DNAH14: variants seen among roughly 807,000 people sequenced by gnomAD.
DNAH14 encodes dynein axonemal heavy chain 14.
A neutral mutation model predicts 520.9 loss-of-function variants in DNAH14; 478 were observed. The observed-to-expected ratio is 0.92, with a 90% confidence interval of 0.85 to 0.99. The LOEUF (loss-of-function observed/expected upper bound fraction) is 0.99. DNAH14 is among the 50% of genes least tolerant of loss of function. DNAH14 has a pLI of 0.00. For missense variants in DNAH14, 4,831 were observed against 5,234.5 expected, an observed-to-expected ratio of 0.92 and a Z score of 2.38; for synonymous variants, 1,581 against 1,757.2, an observed-to-expected ratio of 0.90 and a Z score of 2.51.
intron 23 of DNAH14, among the ~76,000 whole-genome samples, chr1:225,104,823 T>C (rs977015908): frequency 5.9e-5 from 9 of 152,164 alleles, no homozygotes; most frequent in Non-Finnish European, 8.8e-5. Flanking sequence ...TTGTTGATCT[T>C]TTCAAAAAAC....
intron 77 of DNAH14, 40 bp downstream of exon 77, chr1:225,368,072 A>G: frequency 6.8e-7 from 1 of 1,465,256 alleles, no homozygotes; most frequent in Non-Finnish European, 9.2e-7. Context: ...AATAAGTAAC[A>G]ATAAGATACA....
chr1:225,182,346 A>G (rs1005477519), intron 36 of DNAH14, among the ~76,000 whole-genome samples: 1 of 152,212 alleles, frequency 6.6e-6, no homozygotes. Flanking sequence ...CTGGCACCTT[A>G]AAAAAATTCC....
intron 12 of DNAH14, among the ~76,000 whole-genome samples, chr1:225,040,145 T>C (rs2067342442): frequency 1.3e-5 from 2 of 152,018 alleles, no homozygotes; most frequent in South Asian, 4.2e-4. Context: ...TTCACCGTGT[T>C]AGCCAGGATG....
At chr1:224,952,545 G>A in intron 1 of DNAH14, 125 bp from the exon 2 acceptor site, 2 of 464,264 alleles carry the variant, frequency 4.3e-6, no homozygotes, top group Non-Finnish European at 3.7e-6. Context: ...AGAAACAAAG[G>A]CAGTCAGGAT....
chr1:225,152,052 T>C lies in DNAH14; in HGVS notation c.4988T>C (p.Val1663Ala). ...ATTCGTATCAATATGTCTTGTGCGG[T>C]ATTTATCACCATGAATCCCAGGTAA... is the stretch of plus-strand genomic sequence containing the variant. The part of the protein sequence containing the change: ...KEIRINMSCA[V>A]FITMNPRYGG... The change falls in exon 32 of 86, where the codon GTA (valine) becomes GCA (alanine). Residue 1663 changes from valine to alanine, a missense_variant. Transcript: ENST00000682510. 9 of 1,550,510 alleles carry C rather than the reference T, an allele frequency of 5.8e-6. No individual in the cohort carries two copies. The highest frequency in any genetic ancestry group is 7.0e-6 in the Non-Finnish European group (8 of 1,146,658).
At chr1:225,017,885 G>A (rs555490878) in intron 10 of DNAH14, among the ~76,000 whole-genome samples, 22 of 152,204 alleles carry the variant, frequency 1.4e-4, no homozygotes, top group Non-Finnish European at 2.2e-4. Context: ...AATACTTGAG[G>A]GCAATAAAGA....
chr1:225,340,416 C>T (rs1370411434), intron 68 of DNAH14, 41 bp from the exon 69 acceptor site: 2 of 1,479,838 alleles, frequency 1.4e-6, no homozygotes, highest in Non-Finnish European at 1.8e-6. Context: ...TTTTTTTCTT[C>T]TACATGTTCT....
rs2092588419 is a variant in DNAH14, at chr1:225,252,431, T to C, written c.6865+14T>C. ...TAATTCAAAGAGGTAAGAATAATTA[T>C]AAGAATCATACTTGTAACGTTAGAA... On this transcript the variant is annotated intron_variant, in intron 44 of 85. Coordinates refer to ENST00000682510, the MANE Select transcript of DNAH14 (RefSeq NM_001367479.1). 2.2e-6 allele frequency: 3 copies of C among 1,340,106 alleles called. No individual in the cohort carries two copies. The highest frequency in any genetic ancestry group is 3.1e-6 in the Non-Finnish European group (3 of 957,530). 83.0% of individuals were successfully genotyped at this position (1,340,106 alleles called of 1,614,324 possible). A position where few individuals can be genotyped will look rare whatever the true frequency, so the allele number is the denominator to read the frequency against.
intron 17 of DNAH14, among the ~76,000 whole-genome samples, chr1:225,055,222 A>G (rs972240736): frequency 5.3e-5 from 8 of 152,184 alleles, no homozygotes; most frequent in African/African-American, 1.9e-4. Flanking sequence ...TCATGCCAGT[A>G]AAATGAGATC....
chr1:224,935,707 C>A (rs1304750745), intron 1 of DNAH14, among the ~76,000 whole-genome samples: 1 of 151,782 alleles, frequency 6.6e-6, no homozygotes, highest in Non-Finnish European at 1.5e-5. Context: ...GGACTTGAGA[C>A]CAAATGAACT....
intron 41 of DNAH14, among the ~76,000 whole-genome samples, chr1:225,210,393 G>A (rs1230769528): frequency 6.6e-6 from 1 of 152,142 alleles, no homozygotes; most frequent in Admixed American, 6.5e-5. Flanking sequence ...CAAAGGAACT[G>A]GGAAGTTCAA....
At chr1:225,248,702 C>A (rs991427305) in intron 43 of DNAH14, among the ~76,000 whole-genome samples, 1 of 151,964 alleles carries the variant, frequency 6.6e-6, no homozygotes, top group Non-Finnish European at 1.5e-5. Flanking sequence ...ACTCAGATCT[C>A]GGGAAGGAAA....
intron 1 of DNAH14, among the ~76,000 whole-genome samples, chr1:224,938,304 G>A (rs1017237593): frequency 6.6e-5 from 10 of 151,604 alleles, no homozygotes; most frequent in African/African-American, 1.2e-4. Flanking sequence ...ATATGACAAG[G>A]GATTAATAAC....
In DNAH14 at chr1:225,348,324, G is replaced by A. The variant is rs1223524944; in HGVS notation, c.11296+1670G>A. Among the ~76,000 whole-genome samples, 6 of 151,914 alleles carry A rather than the reference G, an allele frequency of 3.9e-5. No homozygotes were observed. In the East Asian group the frequency reaches 5.8e-4, roughly 15 times the overall value. Reference sequence around the variant, plus strand: ...AGAGAAATTCTTTGAAGAAACAATCGCTAAATACTTCCCAAATCTAAGGAA... The same window carrying A: ...AGAGAAATTCTTTGAAGAAACAATCACTAAATACTTCCCAAATCTAAGGAA... On this transcript the variant is annotated intron_variant, in intron 71 of 85. Transcript: ENST00000682510.
At chr1:225,044,309 TC>T (rs1558772746) in intron 15 of DNAH14, among the ~76,000 whole-genome samples, 1 of 152,218 alleles carries the variant, frequency 6.6e-6, no homozygotes, top group Non-Finnish European at 1.5e-5. Flanking sequence ...AGATATTGTT[TC>T]TACCTTAAAG....
chr1:225,300,796 C>T (rs1574620365), intron 55 of DNAH14, 73 bp from the exon 56 acceptor site: 2 of 1,434,776 alleles, frequency 1.4e-6, no homozygotes, highest in East Asian at 2.6e-5. Flanking sequence ...TTCTTGCTTC[C>T]TCAAATTGAT....
chr1:225,011,537 T>C (rs1022198477), intron 10 of DNAH14, among the ~76,000 whole-genome samples: 21 of 152,246 alleles, frequency 1.4e-4, no homozygotes, highest in Admixed American at 2.0e-4. Context: ...GGTGTTAAAG[T>C]CTCCCACTAT....
Position 225,333,352 on chromosome 1 carries a change from T to C in DNAH14, c.9926T>C (p.Ile3309Thr). The stretch of plus-strand genomic sequence containing the variant: ...AAATTAGAAGGAATTTTGGGTGACA[T>C]ACTTCTTTCAGCAGCGTGCATTGTC... ...DNKLEGILGD[I>T]LLSAACIVYS... The change falls in exon 66 of 86, where the codon ATA becomes ACA. Residue 3309 changes from isoleucine to threonine, a missense_variant. Coordinates refer to ENST00000682510, the MANE Select transcript of DNAH14 (RefSeq NM_001367479.1). 1 of 1,551,774 alleles carries C rather than the reference T, an allele frequency of 6.4e-7. No individual in the cohort carries two copies. Among genetic ancestry groups the C allele is most frequent in the South Asian group, 1.2e-5 (1 of 84,046 alleles).
chr1:225,052,225 G>A (rs2068607542), intron 17 of DNAH14, among the ~76,000 whole-genome samples: 1 of 152,130 alleles, frequency 6.6e-6, no homozygotes. Context: ...TATTAGGGCT[G>A]ACCTCTTTAA....
Sources: gnomAD v4.1 joint callset for allele counts (sites outside exome capture counted in the v4.1 genomes callset) on GRCh38, gnomAD v4.1.1 for gene constraint, MANE v1.5 for transcripts, NCBI Gene and HGNC (gene_info 2026-07-23, HGNC 2026-07-21) for gene names.